The following FAM216A variants were observed in gnomAD, a reference collection of about 807,000 sequenced individuals.
FAM216A encodes protein FAM216A.
In FAM216A, 26 loss-of-function variants were observed where a neutral mutation model predicts 37.6. The ratio of observed to expected loss-of-function variants is 0.69; its 90% CI spans 0.51 to 0.96. FAM216A has a LOEUF of 0.96. FAM216A is among the 40% of genes least tolerant of loss of function. The probability of loss-of-function intolerance (pLI) is 0.00; values close to 1 mark genes in which losing one functional copy is unlikely to be tolerated. For synonymous variants in FAM216A, 110 were observed against 121.7 expected, an observed-to-expected ratio of 0.90 and a Z score of 0.64; for missense variants, 326 against 339.3, an observed-to-expected ratio of 0.96 and a Z score of 0.31.
chr12:110,488,619 T>C (rs1472399539), intron 6 of FAM216A, among the ~76,000 whole-genome samples: 1 of 152,110 alleles, frequency 6.6e-6, no homozygotes, highest in Non-Finnish European at 1.5e-5. Flanking sequence ...TGGATGAACA[T>C]ATTTTGTATA....
chr12:110,470,145 C>G (rs572886876), intron 1 of FAM216A, among the ~76,000 whole-genome samples: 10 of 151,476 alleles, frequency 6.6e-5, no homozygotes, highest in African/African-American at 2.4e-4. Context: ...GTTGCCCAGG[C>G]TGGAGTGCAG....
At chr12:110,484,935 C>G in intron 2 of FAM216A, 143 bp from the exon 3 acceptor site, 2 of 647,860 alleles carry the variant, frequency 3.1e-6, no homozygotes, top group South Asian at 1.9e-5. Context: ...CTCCTGACCT[C>G]GTGATCCACC....
At position 110,468,979 on chromosome 12, in the gene FAM216A, A is replaced by T. The variant is rs2062660212; in HGVS notation, c.104A>T (p.Glu35Val). The change falls in exon 1 of 7, where the codon GAG becomes GTG. Residue 35 changes from glutamate to valine, a missense_variant. Coordinates refer to ENST00000377673, the MANE Select transcript of FAM216A (RefSeq NM_013300.3). The part of the protein sequence containing the change: ...SDWTERSSSA[E>V]PPAVAGTEGG... ...TGGACGGAGCGTAGCTCTTCTGCAG[A>T]GCCGCCCGCTGTGGCCGGGACCGAG... 3.3e-6 allele frequency: 5 copies of T among 1,510,290 alleles called. No individual in the cohort carries two copies. The highest frequency in any genetic ancestry group is 2.2e-4 in the Middle Eastern group (1 of 4,470). The allele number at this position is 1,510,290 out of a possible 1,614,324, so 93.6% of individuals were successfully genotyped here.
chr12:110,470,611 G>A (rs762124468), intron 1 of FAM216A, among the ~76,000 whole-genome samples: 1 of 151,834 alleles, frequency 6.6e-6, no homozygotes, highest in Non-Finnish European at 1.5e-5. Flanking sequence ...CCAAGTAGCT[G>A]GGACTACAGG....
At chr12:110,469,254 C>A in intron 1 of FAM216A, 1 of 450,414 alleles carries the variant, frequency 2.2e-6, no homozygotes, top group South Asian at 5.7e-5. Flanking sequence ...GCGTTTGGTG[C>A]AGTGGCCACG....
Position 110,489,579 on chromosome 12 carries a change from A to G in FAM216A, c.704-440A>G, listed in dbSNP as rs565081623. On this transcript the variant is annotated intron_variant, in intron 6 of 6. Coordinates refer to ENST00000377673, the MANE Select transcript of FAM216A (RefSeq NM_013300.3). Reference sequence around the variant, plus strand: ...CCAGCTTTGCTGTAAATATCGTACCATGCCTATCCAAGAAATGAGGGAAAG... The same window carrying G: ...CCAGCTTTGCTGTAAATATCGTACCGTGCCTATCCAAGAAATGAGGGAAAG... 3.9e-5 allele frequency among the ~76,000 whole-genome samples: 6 copies of G among 151,976 alleles called. No individual in the cohort carries two copies. In the South Asian group the frequency reaches 1.2e-3, roughly 32 times the overall value.
intron 2 of FAM216A, among the ~76,000 whole-genome samples, chr12:110,480,107 C>T (rs1013756663): frequency 2.0e-5 from 3 of 150,482 alleles, no homozygotes; most frequent in Admixed American, 1.3e-4. Context: ...CTCACTGCAA[C>T]CGCTGCCTCC....
At chr12:110,470,843 C>G (rs866788979) in intron 1 of FAM216A, among the ~76,000 whole-genome samples, 4 of 152,024 alleles carry the variant, frequency 2.6e-5, no homozygotes, top group Non-Finnish European at 5.9e-5. Flanking sequence ...AGACAGTATG[C>G]CCTTCAGTTT....
At chr12:110,478,965 G>A (rs2062730795) in intron 2 of FAM216A, among the ~76,000 whole-genome samples, 1 of 151,008 alleles carries the variant, frequency 6.6e-6, no homozygotes, top group African/African-American at 2.5e-5. Flanking sequence ...GAGGCGGGTG[G>A]ATCACGAGGT....
Position 110,486,659 on chromosome 12 carries a change from T to C in FAM216A, c.562T>C (p.Ser188Pro), listed in dbSNP as rs113004509. 7 of 1,614,158 alleles carry C rather than the reference T, an allele frequency of 4.3e-6. No homozygotes were observed. The Admixed American group carries it at 8.3e-5, about 19-fold the overall frequency. Reference protein sequence around the residue: ...DSGSSDIAAASAPEMLIQHSL... With the variant: ...DSGSSDIAAAPAPEMLIQHSL... ...GGGGTCTTCTGATATCGCAGCTGCATCTGCACCTGAAATGCTCATACAGCA... is the reference window on the plus strand; with the variant it reads ...GGGGTCTTCTGATATCGCAGCTGCACCTGCACCTGAAATGCTCATACAGCA... Residue 188 changes from serine to proline, a missense_variant, in exon 5 of 7, where the codon TCT becomes CCT. By Grantham distance (74) the Ser-to-Pro change is moderately conservative. Transcript: ENST00000377673.
chr12:110,484,181 C>T (rs779122437), intron 2 of FAM216A, among the ~76,000 whole-genome samples: 12 of 151,894 alleles, frequency 7.9e-5, no homozygotes, highest in Non-Finnish European at 1.5e-4. Context: ...GTAATCCCAG[C>T]ACTTTGGGAG....
At chr12:110,480,023 T>C (rs2062737008) in intron 2 of FAM216A, among the ~76,000 whole-genome samples, 1 of 146,700 alleles carries the variant, frequency 6.8e-6, no homozygotes, top group African/African-American at 2.7e-5. Flanking sequence ...TTTACTATTT[T>C]AATCTTTTTT....
intron 1 of FAM216A, among the ~76,000 whole-genome samples, chr12:110,470,242 G>A (rs528840133): frequency 5.5e-4 from 83 of 151,820 alleles, no homozygotes; most frequent in Non-Finnish European, 9.6e-4. Context: ...GGGATTACAA[G>A]CGCCTGCCAC....
chr12:110,476,863 T>A (rs2062717610), intron 2 of FAM216A, among the ~76,000 whole-genome samples: 1 of 151,100 alleles, frequency 6.6e-6, no homozygotes, highest in Non-Finnish European at 1.5e-5. Context: ...GCCTGTGGGG[T>A]TTTGTTTGTT....
chr12:110,489,572 T>C (rs964459403), intron 6 of FAM216A, among the ~76,000 whole-genome samples: 2 of 151,318 alleles, frequency 1.3e-5, no homozygotes, highest in Non-Finnish European at 2.9e-5. Flanking sequence ...GCTGTAAATA[T>C]CGTACCATGC....
intron 5 of FAM216A, 110 bp from the exon 6 acceptor site, chr12:110,487,751 T>C: frequency 1.4e-6 from 1 of 718,666 alleles, no homozygotes; most frequent in Non-Finnish European, 2.5e-6. Context: ...GCTGAAAGGG[T>C]CTTTTTGGTG....
At chr12:110,468,487 C>G (rs1314600284), upstream of FAM216A, 1 of 1,537,196 alleles carries the variant, frequency 6.5e-7, no homozygotes, top group South Asian at 1.2e-5. Flanking sequence ...TAATAACGGA[C>G]AACAGATAAA....
chr12:110,490,064 A>G lies in FAM216A; in HGVS notation c.749A>G (p.Glu250Gly), dbSNP rs142128867. The G allele has an allele frequency of 6.4e-7, 1 of 1,560,444 alleles. No homozygotes were observed. Among genetic ancestry groups the G allele is most frequent in the Middle Eastern group, 1.7e-4 (1 of 5,940 alleles). Residue 250 changes from glutamate (E) to glycine (G), a missense_variant, in exon 7 of 7, where the codon GAA becomes GGA. Glu to Gly is a moderately conservative substitution (Grantham distance 98). Transcript: ENST00000377673. ...TCACACATGAGTGAAGAAAAAAAGG[A>G]AGAAGATTTACTAAATAATTTTATG... Reference protein sequence around the residue: ...SESHMSEEKKEEDLLNNFMQS... With the variant: ...SESHMSEEKKGEDLLNNFMQS...
chr12:110,486,720 C>T lies in FAM216A; in HGVS notation c.620+3C>T. ...CGGCCAGTGAGAAACAAAGAAGGGTCTGTTTCTTAGTGTAAAAGGGGGGAA... is the reference window on the plus strand; with the variant it reads ...CGGCCAGTGAGAAACAAAGAAGGGTTTGTTTCTTAGTGTAAAAGGGGGGAA... On this transcript the variant is annotated splice_donor_region_variant and intron_variant, in intron 5 of 6. Transcript: ENST00000377673. 6.2e-7 allele frequency: 1 copy of T among 1,610,010 alleles called. No individual in the cohort carries two copies. The highest frequency in any genetic ancestry group is 8.5e-7 in the Non-Finnish European group (1 of 1,178,228).
Sources: gnomAD v4.1 joint callset for allele counts (sites outside exome capture counted in the v4.1 genomes callset) on GRCh38, gnomAD v4.1.1 for gene constraint, MANE v1.5 for transcripts, NCBI Gene and HGNC (gene_info 2026-07-23, HGNC 2026-07-21) for gene names.